PDAP1: variants seen among roughly 807,000 people sequenced by gnomAD.
PDAP1 encodes 28 kDa heat- and acid-stable phosphoprotein.
In PDAP1, 13 loss-of-function variants were observed where a neutral mutation model predicts 28.0. That is an observed-to-expected ratio of 0.46 (90% CI 0.30 to 0.74). The LOEUF is 0.74. Ranked by LOEUF, PDAP1 falls within the 30% of genes least tolerant of loss-of-function variation. The pLI, the probability that PDAP1 is intolerant of heterozygous loss-of-function variation, is 0.07. For synonymous variants in PDAP1, 77 were observed against 85.1 expected (o/e 0.91, Z 0.52); for missense variants, 150 against 230.0 (o/e 0.65, Z 2.25).
chr7:99,407,783 AACGGGCTAGAAGATAGAGG>A (rs764601223), intron 1 of PDAP1, among the ~76,000 whole-genome samples: 17 of 152,202 alleles, frequency 1.1e-4, no homozygotes, highest in Non-Finnish European at 1.8e-4. Context: ...CAGGATAGAG[AACGGGCTAGAAGATAGAGG>A]ACGGGCTACA....
rs565565491 is a variant in PDAP1, at chr7:99,397,851, C to T, written c.487+11G>A. ...TGGGGCCTGTCCCTGCGTGCGCAGC[C>T]CAGCCCTTACCTTTCCTTTCCTCTT... On this transcript the variant is annotated intron_variant, in intron 5 of 5. Coordinates refer to ENST00000350498, the MANE Select transcript of PDAP1 (RefSeq NM_014891.7). The T allele has an allele frequency of 6.2e-7, 1 of 1,612,048 alleles. No individual in the cohort carries two copies. Among genetic ancestry groups the T allele is most frequent in the African/African-American group, 1.3e-5 (1 of 75,016 alleles).
chr7:99,397,283 C>T (rs1042737276), intron 5 of PDAP1, among the ~76,000 whole-genome samples: 3 of 152,084 alleles, frequency 2.0e-5, no homozygotes, highest in Non-Finnish European at 4.4e-5. Context: ...CACAGACCCC[C>T]GGGAGATGGA....
intron 5 of PDAP1, 73 bp downstream of exon 5, chr7:99,397,789 C>T (rs1584418050): frequency 1.8e-5 from 28 of 1,558,986 alleles, no homozygotes; most frequent in South Asian, 4.6e-5. Flanking sequence ...GACAGGGACA[C>T]GAGTTCAGTG....
chr7:99,408,447 C>G, intron 1 of PDAP1, 89 bp downstream of exon 1: 2 of 1,233,868 alleles, frequency 1.6e-6, no homozygotes, highest in South Asian at 2.1e-5. Context: ...CTGCGCTGCT[C>G]TCAGAGACGC....
chr7:99,404,114 C>T (rs1298431615), intron 2 of PDAP1, among the ~76,000 whole-genome samples: 1 of 152,298 alleles, frequency 6.6e-6, no homozygotes, highest in East Asian at 1.9e-4. Flanking sequence ...CCCACACATT[C>T]TCCATGTCCT....
chr7:99,400,168 G>C, intron 4 of PDAP1, 135 bp downstream of exon 4: 1 of 906,264 alleles, frequency 1.1e-6, no homozygotes, highest in South Asian at 1.7e-5. Flanking sequence ...GCTTTTTAAA[G>C]GCTACTGGAG....
chr7:99,403,959 TC>T (rs1013892528), intron 2 of PDAP1, among the ~76,000 whole-genome samples: 31 of 151,874 alleles, frequency 2.0e-4, no homozygotes, highest in Admixed American at 8.5e-4. Flanking sequence ...TGGCAAGTCA[TC>T]CCCCCGACCC....
intron 3 of PDAP1, among the ~76,000 whole-genome samples, chr7:99,402,685 A>G (rs1250570671): frequency 6.6e-6 from 1 of 151,384 alleles, no homozygotes; most frequent in East Asian, 1.9e-4. Context: ...GATGGAGACC[A>G]TTCTGGCTAA....
Position 99,408,595 on chromosome 7 carries a change from A to G in PDAP1, c.-47T>C. The G allele has an allele frequency of 8.3e-7, 1 of 1,198,574 alleles. No individual in the cohort carries two copies. The highest frequency in any genetic ancestry group is 4.5e-5 in the Admixed American group (1 of 21,984). 74.2% of individuals were successfully genotyped at this position (1,198,574 alleles called of 1,614,324 possible). Reference sequence around the variant, plus strand: ...GGCGGCGGCGGCGCCTCGAACTGACACCGGAACCGGAAATAGCTTGGGCTC... The same window carrying G: ...GGCGGCGGCGGCGCCTCGAACTGACGCCGGAACCGGAAATAGCTTGGGCTC... On this transcript the variant is annotated 5_prime_UTR_variant, in exon 1 of 6. Transcript: ENST00000350498.
chr7:99,404,965 C>T lies in PDAP1; in HGVS notation c.14-12G>A, dbSNP rs773123033. On this transcript the variant is annotated splice_polypyrimidine_tract_variant and intron_variant, in intron 1 of 5. Coordinates refer to ENST00000350498, the MANE Select transcript of PDAP1 (RefSeq NM_014891.7). Reference sequence around the variant, plus strand: ...GCCTCCCTTTCTTCCTGCAGAGACCCGCAGTTTAGGTGAGCGGAAGCAGCT... The same window carrying T: ...GCCTCCCTTTCTTCCTGCAGAGACCTGCAGTTTAGGTGAGCGGAAGCAGCT... The T allele has an allele frequency of 7.5e-6, 12 of 1,608,832 alleles. No individual in the cohort carries two copies. Among genetic ancestry groups the T allele is most frequent in the Admixed American group, 3.3e-5 (2 of 59,984 alleles).
At chr7:99,396,842 A>G (rs191693734) in intron 5 of PDAP1, 102 bp from the exon 6 acceptor site, 13 of 902,704 alleles carry the variant, frequency 1.4e-5, no homozygotes, top group Non-Finnish European at 2.3e-5. Context: ...AAGGCTGCAG[A>G]AAACATTCTG....
In PDAP1 at chr7:99,405,513, C is replaced by T. The variant is rs567257001; in HGVS notation, c.14-560G>A. ...TAGCTGGGACTACAGGCGTGCACCA[C>T]TATGCCCAGCTTATTTATTTATTTT... On this transcript the variant is annotated intron_variant, in intron 1 of 5. Coordinates refer to ENST00000350498, the MANE Select transcript of PDAP1 (RefSeq NM_014891.7). Among the ~76,000 whole-genome samples the T allele has an allele frequency of 1.6e-4, 25 of 152,288 alleles. 3 individuals carry two copies. In the South Asian group the frequency reaches 4.4e-3, roughly 27 times the overall value.
chr7:99,399,306 A>T (rs1445860416), intron 4 of PDAP1, among the ~76,000 whole-genome samples: 1 of 152,172 alleles, frequency 6.6e-6, no homozygotes, highest in Non-Finnish European at 1.5e-5. Context: ...CACACTCAGA[A>T]GCCTCTAAGC....
At chr7:99,399,925 C>T (rs557154406) in intron 4 of PDAP1, among the ~76,000 whole-genome samples, 2 of 152,298 alleles carry the variant, frequency 1.3e-5, no homozygotes, top group South Asian at 4.1e-4. Context: ...GGCACAGGCT[C>T]GCAGCCCCCT....
chr7:99,395,109 T>C lies in PDAP1; in HGVS notation c.*1573A>G, dbSNP rs1794724045. On this transcript the variant is annotated 3_prime_UTR_variant, in exon 6 of 6. Coordinates refer to ENST00000350498, the MANE Select transcript of PDAP1 (RefSeq NM_014891.7). The stretch of plus-strand genomic sequence containing the variant: ...CCAGTACCAGGTGTCACTGATTGAC[T>C]AGTCAAATTCCTGGACAAAGGGGCT... 1 of 154,724 alleles carries C rather than the reference T, an allele frequency of 6.5e-6. No homozygotes were observed. Among genetic ancestry groups the C allele is most frequent in the Non-Finnish European group, 1.4e-5 (1 of 69,888 alleles). The allele number at this position is 154,724 out of a possible 1,614,324, so 9.6% of individuals were successfully genotyped here. A position where few individuals can be genotyped will look rare whatever the true frequency, so the allele number is the denominator to read the frequency against.
At chr7:99,408,469 G>A (rs1044016594) in intron 1 of PDAP1, 67 bp downstream of exon 1, 2 of 1,317,192 alleles carry the variant, frequency 1.5e-6, no homozygotes, top group Middle Eastern at 4.4e-4. Flanking sequence ...CACGGGCTGA[G>A]GGGACAGCGG....
At chr7:99,408,443 T>G (rs1409967279) in intron 1 of PDAP1, 93 bp downstream of exon 1, 3 of 1,168,084 alleles carry the variant, frequency 2.6e-6, no homozygotes, top group Non-Finnish European at 3.3e-6. Context: ...CCCTCTGCGC[T>G]GCTCTCAGAG....
chr7:99,398,857 C>A lies in PDAP1; in HGVS notation c.336-844G>T, dbSNP rs114192118. 7.7e-3 allele frequency among the ~76,000 whole-genome samples: 1,167 copies of A among 152,326 alleles called. 5 individuals carry two copies. Among genetic ancestry groups the A allele is most frequent in the African/African-American group, 0.026 (1,087 of 41,576 alleles). ...GCTCAGATGTGCACGGTGCTGCCCC[C>A]CAAGGGGACAGCCCCCATCAGTAGG... is the stretch of plus-strand genomic sequence containing the variant. On this transcript the variant is annotated intron_variant, in intron 4 of 5. Transcript: ENST00000350498.
At position 99,394,957 on chromosome 7, in the gene PDAP1, G is replaced by A. The variant is rs1794719655; in HGVS notation, c.*1725C>T. The A allele has an allele frequency of 4.0e-6, 2 of 505,068 alleles. No individual in the cohort carries two copies. The highest frequency in any genetic ancestry group is 5.0e-5 in the East Asian group (1 of 20,058). 31.3% of individuals were successfully genotyped at this position (505,068 alleles called of 1,614,324 possible). A position where few individuals can be genotyped will look rare whatever the true frequency, so the allele number is the denominator to read the frequency against. On this transcript the variant is annotated 3_prime_UTR_variant, in exon 6 of 6. Coordinates refer to ENST00000350498, the MANE Select transcript of PDAP1 (RefSeq NM_014891.7). ...GGACTCCAGGGAGAGATTGGTGTTTGCACGGCCATAGGTAGATAGCTTATT... is the reference window on the plus strand; with the variant it reads ...GGACTCCAGGGAGAGATTGGTGTTTACACGGCCATAGGTAGATAGCTTATT...
Sources: gnomAD v4.1 joint callset for allele counts (sites outside exome capture counted in the v4.1 genomes callset) on GRCh38, gnomAD v4.1.1 for gene constraint, MANE v1.5 for transcripts, NCBI Gene and HGNC (gene_info 2026-07-23, HGNC 2026-07-21) for gene names.